Variants in UBE3B observed in about 807,000 individuals in gnomAD.
The protein encoded by UBE3B is ubiquitin protein ligase E3B, also known as ubiquitin-protein ligase E3B.
UBE3B carries 80 observed loss-of-function variants against 132.3 expected under a neutral mutation model. The ratio of observed to expected loss-of-function variants is 0.60; its 90% confidence interval spans 0.50 to 0.73. The LOEUF is 0.73. Among genes scored for constraint, UBE3B ranks in the 30% least tolerant of loss-of-function variants. The pLI, the probability that UBE3B is intolerant of heterozygous loss-of-function variation, is 0.00. For synonymous variants in UBE3B, 487 were observed against 520.4 expected, an observed-to-expected ratio of 0.94 and a Z score of 0.87; for missense variants, 1,196 against 1,362.5, an observed-to-expected ratio of 0.88 and a Z score of 1.92.
At position 109,522,534 on chromosome 12, in the gene UBE3B, A is replaced by G. The variant is rs1173870776; in HGVS notation, c.2364+983A>G. Among the ~76,000 whole-genome samples the G allele has an allele frequency of 6.6e-6, 1 of 152,158 alleles. No homozygotes were observed. The highest frequency in any genetic ancestry group is 1.9e-4 in the East Asian group (1 of 5,196). On this transcript the variant is annotated intron_variant, in intron 21 of 27. Transcript: ENST00000342494. This position sits in a 1 kb window ranked among gnomAD's most constrained non-coding sequence, Gnocchi z 4.2. ...TGAGCTTCTGGCCCAAGCACGGAGGAAGCGAGCCACCTGGGCAGCACTCCT... is the reference window on the plus strand; with the variant it reads ...TGAGCTTCTGGCCCAAGCACGGAGGGAGCGAGCCACCTGGGCAGCACTCCT...
Position 109,499,822 on chromosome 12 carries a change from A to C in UBE3B, c.1118+12A>C. ...TCTGTGGATTATGGGTGAGTCCCAG[A>C]TGCAAATCACTGTCTTTCCTGCCTC... On this transcript the variant is annotated intron_variant, in intron 12 of 27. Transcript: ENST00000342494. 5.8e-6 allele frequency: 9 copies of C among 1,561,896 alleles called. No individual in the cohort carries two copies. Among genetic ancestry groups the C allele is most frequent in the Non-Finnish European group, 7.8e-6 (9 of 1,149,638 alleles).
At position 109,516,405 on chromosome 12, in the gene UBE3B, G is replaced by C. The variant is rs188251483; in HGVS notation, c.1957-360G>C. Among the ~76,000 whole-genome samples, 60 of 152,116 alleles carry C rather than the reference G, an allele frequency of 3.9e-4. No individual in the cohort carries two copies. In the East Asian group the frequency reaches 0.011, roughly 27 times the overall value. ...TTGGCCAGGCTGGTTTTGAACTCCC[G>C]ACCTCAGGTAATCCGCCCACCTGGG... is the stretch of plus-strand genomic sequence containing the variant. On this transcript the variant is annotated intron_variant, in intron 18 of 27. Transcript: ENST00000342494.
intron 14 of UBE3B, among the ~76,000 whole-genome samples, chr12:109,505,048 G>C (rs749211880): frequency 6.6e-6 from 1 of 152,036 alleles, no homozygotes; most frequent in Non-Finnish European, 1.5e-5. Context: ...TGTGTGTCCA[G>C]CTTTTTAAAT....
chr12:109,482,235 T>C (rs1397299432), intron 2 of UBE3B, among the ~76,000 whole-genome samples: 1 of 152,190 alleles, frequency 6.6e-6, no homozygotes, highest in Non-Finnish European at 1.5e-5. Context: ...TATATGCATA[T>C]ATTGTGTAAT....
chr12:109,528,307 C>T lies in UBE3B; in HGVS notation c.2628-1583C>T, dbSNP rs559155276. On this transcript the variant is annotated intron_variant, in intron 24 of 27. Coordinates refer to ENST00000342494, the MANE Select transcript of UBE3B (RefSeq NM_130466.4). ...TTCCCTCCCTCTCACCTCCTCCCTT[C>T]CTCTCCCCCTTTCTCAGTAAAGTGG... 1.2e-5 allele frequency: 12 copies of T among 984,670 alleles called. No individual in the cohort carries two copies. The African/African-American group carries it at 1.2e-4, about 10-fold the overall frequency. The allele number at this position is 984,670 out of a possible 1,614,324, so 61.0% of individuals were successfully genotyped here. A position where few individuals can be genotyped will look rare whatever the true frequency, so the allele number is the denominator to read the frequency against.
intron 23 of UBE3B, among the ~76,000 whole-genome samples, chr12:109,525,083 T>TA (rs1882178463): frequency 6.6e-6 from 1 of 152,130 alleles, no homozygotes; most frequent in Non-Finnish European, 1.5e-5. Context: ...ATGAGCTTCT[T>TA]AATGCAGAGC....
chr12:109,527,302 C>T (rs1003751222), intron 24 of UBE3B, among the ~76,000 whole-genome samples: 6 of 152,202 alleles, frequency 3.9e-5, no homozygotes, highest in South Asian at 2.1e-4. Context: ...GGTCTCCACT[C>T]GGCCCTATTG....
chr12:109,511,130 G>A, intron 17 of UBE3B, 74 bp from the exon 18 acceptor site: 1 of 1,385,742 alleles, frequency 7.2e-7, no homozygotes, highest in Non-Finnish European at 1.0e-6. Context: ...CCCACATGGT[G>A]TCATTTCCCA....
At chr12:109,486,108 C>G in intron 5 of UBE3B, 37 bp downstream of exon 5, 1 of 1,552,232 alleles carries the variant, frequency 6.4e-7, no homozygotes, top group South Asian at 1.2e-5. Context: ...CCCACAAGCT[C>G]TTAAGGGCCA....
At chr12:109,509,757 C>A in intron 16 of UBE3B, 43 bp downstream of exon 16, 1 of 1,328,028 alleles carries the variant, frequency 7.5e-7, no homozygotes, top group Non-Finnish European at 1.1e-6. Context: ...GATGCTGCAC[C>A]CAGGGAGGCC....
Position 109,534,711 on chromosome 12 carries a change from A to T in UBE3B, c.3136A>T (p.Ser1046Cys). The change falls in exon 28 of 28, where the codon AGC (serine) becomes TGC (cysteine). Residue 1046 changes from serine to cysteine, a missense_variant. Coordinates refer to ENST00000342494, the MANE Select transcript of UBE3B (RefSeq NM_130466.4). This position sits in a 1 kb window ranked among gnomAD's most constrained non-coding sequence, Gnocchi z 5.2. ...CFNLLKLPNY[S>C]KKSVLREKLR... ...CAACCTGCTCAAGCTGCCCAACTAC[A>T]GCAAGAAGAGCGTCCTCCGCGAGAA... 2.5e-6 allele frequency: 4 copies of T among 1,607,828 alleles called. No individual in the cohort carries two copies. The South Asian group carries it at 4.4e-5, about 18-fold the overall frequency.
At chr12:109,541,165 C>T (rs948293619), downstream of UBE3B, among the ~76,000 whole-genome samples, 2 of 152,346 alleles carry the variant, frequency 1.3e-5, no homozygotes, top group African/African-American at 4.8e-5. Context: ...AGCTAGGGTC[C>T]CCTCACTAGT....
chr12:109,492,993 G>T (rs917854975), intron 9 of UBE3B, among the ~76,000 whole-genome samples: 1 of 152,124 alleles, frequency 6.6e-6, no homozygotes, highest in Non-Finnish European at 1.5e-5. Flanking sequence ...TACCATATTA[G>T]ACCACATGCC....
intron 24 of UBE3B, among the ~76,000 whole-genome samples, chr12:109,529,175 TAAAAAGA>T (rs1882696409): frequency 6.6e-6 from 1 of 151,994 alleles, no homozygotes; most frequent in Non-Finnish European, 1.5e-5. Context: ...CATAAATAAA[TAAAAAGA>T]AAAAAGAAAT....
In UBE3B at chr12:109,494,380, C is replaced by T. The variant is rs115087613; in HGVS notation, c.713+3253C>T. ...AAACTTGCCCTGTTCCTCACACTGCCGTGGCATTGATTTTCTGGACGCCTA... is the reference window on the plus strand; with the variant it reads ...AAACTTGCCCTGTTCCTCACACTGCTGTGGCATTGATTTTCTGGACGCCTA... On this transcript the variant is annotated intron_variant, in intron 9 of 27. Coordinates refer to ENST00000342494, the MANE Select transcript of UBE3B (RefSeq NM_130466.4). 7.5e-3 allele frequency among the ~76,000 whole-genome samples: 1,141 copies of T among 152,260 alleles called. 17 individuals carry two copies. The highest frequency in any genetic ancestry group is 0.026 in the African/African-American group (1,062 of 41,526).
intron 4 of UBE3B, among the ~76,000 whole-genome samples, chr12:109,485,762 T>C (rs189317169): frequency 6.6e-6 from 1 of 152,342 alleles, no homozygotes; most frequent in East Asian, 1.9e-4. Context: ...TTTGGGTTTT[T>C]ATGTGAAGTA....
chr12:109,516,881 G>A lies in UBE3B; in HGVS notation c.2073G>A (p.Leu691=). Residue 691 remains leucine (L), a synonymous_variant, in exon 19 of 28, where the codon CTG becomes CTA. Transcript: ENST00000342494. ...TCACCATCCGCCGGTCCAGGATGCTGGAGGTGAGTGTGAAGCCTATGGAAT... is the reference window on the plus strand; with the variant it reads ...TCACCATCCGCCGGTCCAGGATGCTAGAGGTGAGTGTGAAGCCTATGGAAT... ...THITIRRSRM[L]EDGYEQLRQL... 2 of 1,613,890 alleles carry A rather than the reference G, an allele frequency of 1.2e-6. No individual in the cohort carries two copies. The highest frequency in any genetic ancestry group is 1.7e-6 in the Non-Finnish European group (2 of 1,179,926).
chr12:109,530,192 C>T (rs1882806133), intron 25 of UBE3B, 120 bp downstream of exon 25: 2 of 1,191,168 alleles, frequency 1.7e-6, no homozygotes, highest in Admixed American at 2.2e-5. Context: ...TCCTTCTCCT[C>T]CCTGGACTGG....
At position 109,534,097 on chromosome 12, in the gene UBE3B, C is replaced by T; in HGVS notation, c.3016-494C>T. Reference sequence around the variant, plus strand: ...ACTCCCCATAAAAACCCAGTGGCCGCCTCTGGGTGTAGCTGCCTCTCATGA... The same window carrying T: ...ACTCCCCATAAAAACCCAGTGGCCGTCTCTGGGTGTAGCTGCCTCTCATGA... On this transcript the variant is annotated intron_variant, in intron 27 of 27. Coordinates refer to ENST00000342494, the MANE Select transcript of UBE3B (RefSeq NM_130466.4). The surrounding 1 kb of genome is among the most constrained non-coding windows in gnomAD (Gnocchi z 5.2). 7.7e-7 allele frequency: 1 copy of T among 1,295,180 alleles called. No homozygotes were observed. The highest frequency in any genetic ancestry group is 1.0e-6 in the Non-Finnish European group (1 of 993,336). The allele number at this position is 1,295,180 out of a possible 1,614,324, so 80.2% of individuals were successfully genotyped here. A position where few individuals can be genotyped will look rare whatever the true frequency, so the allele number is the denominator to read the frequency against.
Sources: gnomAD v4.1 joint callset for allele counts (sites outside exome capture counted in the v4.1 genomes callset) on GRCh38, gnomAD v4.1.1 for gene constraint, Gnocchi (gnomAD v3.1) non-coding constraint, MANE v1.5 for transcripts, NCBI Gene and HGNC (gene_info 2026-07-23, HGNC 2026-07-21) for gene names.